TMEM53: variants seen among roughly 807,000 people sequenced by gnomAD.
TMEM53 encodes novel DUF829 domain-containing protein.
TMEM53 carries 14 observed loss-of-function variants against 21.4 expected under a neutral mutation model. The observed-to-expected ratio is 0.65, with a 90% CI of 0.43 to 1.02. TMEM53 has a LOEUF of 1.02. Among genes scored for constraint, TMEM53 ranks in the 50% least tolerant of loss-of-function variants. The pLI is 0.00. For synonymous variants in TMEM53, 148 were observed against 157.4 expected (o/e 0.94, Z 0.45); for missense variants, 323 against 383.6 (o/e 0.84, Z 1.32).
At chr1:44,672,781 A>AAG (rs1405035546) in intron 1 of TMEM53, among the ~76,000 whole-genome samples, 2 of 151,182 alleles carry the variant, frequency 1.3e-5, no homozygotes, top group Non-Finnish European at 3.0e-5. Context: ...AAAAAAAAAA[A>AAG]AAGAAAGGGG....
chr1:44,654,571 G>A lies in TMEM53; in HGVS notation c.822C>T (p.Cys274=), dbSNP rs201651121. ...TGGAGCAATGGCCTCAGCAGCGGACGCAGTTGCGCATGAAGTCGACACAGA... is the reference window on the plus strand; with the variant it reads ...TGGAGCAATGGCCTCAGCAGCGGACACAGTTGCGCATGAAGTCGACACAGA... ...TSLCVDFMRN[C]VRC Residue 274 remains cysteine, a synonymous_variant, in exon 3 of 3, where the codon TGC becomes TGT. Coordinates refer to ENST00000372237, the MANE Select transcript of TMEM53 (RefSeq NM_024587.4). The surrounding 1 kb of genome is among the most constrained non-coding windows in gnomAD (Gnocchi z 7.0). 6.3e-5 allele frequency: 101 copies of A among 1,604,442 alleles called. No individual in the cohort carries two copies. The East Asian group carries it at 1.7e-3, about 27-fold the overall frequency.
chr1:44,674,450 T>C lies in TMEM53; in HGVS notation c.-59A>G. ...GCCGGAACTCCCGCTTGCGCACCCG[T>C]GCCTCACCCGGGCGCCTCCTGGGCG... On this transcript the variant is annotated 5_prime_UTR_variant, in exon 1 of 3. Coordinates refer to ENST00000372237, the MANE Select transcript of TMEM53 (RefSeq NM_024587.4). The C allele has an allele frequency of 1.3e-6, 2 of 1,554,396 alleles. No individual in the cohort carries two copies. The highest frequency in any genetic ancestry group is 1.2e-5 in the South Asian group (1 of 85,218).
intron 1 of TMEM53, 27 bp downstream of exon 1, chr1:44,674,304 C>T: frequency 6.2e-7 from 1 of 1,600,896 alleles, no homozygotes; most frequent in Non-Finnish European, 8.5e-7. Context: ...CACCTCCCCG[C>T]GCCTGGACCC....
At position 44,656,803 on chromosome 1, in the gene TMEM53, G is replaced by C. The variant is rs552819115; in HGVS notation, c.184-1594C>G. On this transcript the variant is annotated intron_variant, in intron 2 of 2. Transcript: ENST00000372237. ...CTGAGGTGGGCAGATGACGAAGTCA[G>C]GAGTTCGAGACCAGCCTCACCAACA... Among the ~76,000 whole-genome samples the C allele has an allele frequency of 1.2e-4, 19 of 152,278 alleles. No individual in the cohort carries two copies. In the East Asian group the frequency reaches 3.3e-3, roughly 26 times the overall value.
At chr1:44,661,828 C>T (rs1430660676) in intron 1 of TMEM53, among the ~76,000 whole-genome samples, 1 of 152,202 alleles carries the variant, frequency 6.6e-6, no homozygotes, top group Non-Finnish European at 1.5e-5. Context: ...AACCAGCCGC[C>T]ACCACCACCA....
chr1:44,654,991 G>A lies in TMEM53; in HGVS notation c.402C>T (p.Arg134=), dbSNP rs1223286216. The A allele has an allele frequency of 6.2e-7, 1 of 1,613,974 alleles. No individual in the cohort carries two copies. Among genetic ancestry groups the A allele is most frequent in the Admixed American group, 1.7e-5 (1 of 60,008 alleles). ...CAAAGATGGTGCCCACCACACGCAG[G>A]CGGCAGAAGCGACGGGTCTGCAGGA... is the stretch of plus-strand genomic sequence containing the variant. ...LELLQTRRFC[R]LRVVGTIFDS... Residue 134 remains arginine, a synonymous_variant, in exon 3 of 3, where the codon CGC becomes CGT. Transcript: ENST00000372237. This position sits in a 1 kb window ranked among gnomAD's most constrained non-coding sequence, Gnocchi z 7.0.
intron 2 of TMEM53, among the ~76,000 whole-genome samples, chr1:44,656,788 C>A (rs1477455696): frequency 6.6e-6 from 1 of 151,994 alleles, no homozygotes; most frequent in Admixed American, 6.6e-5. Context: ...CTGAGGTGGG[C>A]AGATGACGAA....
chr1:44,665,465 C>T (rs1441679525), intron 1 of TMEM53, among the ~76,000 whole-genome samples: 5 of 151,928 alleles, frequency 3.3e-5, no homozygotes, highest in Non-Finnish European at 5.9e-5. Flanking sequence ...GGTGAAACCC[C>T]GTCTCTACTA....
intron 1 of TMEM53, among the ~76,000 whole-genome samples, chr1:44,662,212 G>A (rs1644908300): frequency 6.6e-6 from 1 of 152,242 alleles, no homozygotes; most frequent in Admixed American, 6.5e-5. Flanking sequence ...CTGGCCTTCG[G>A]AGATTAACTG....
At chr1:44,672,087 G>C (rs1172934377) in intron 1 of TMEM53, among the ~76,000 whole-genome samples, 8 of 152,282 alleles carry the variant, frequency 5.3e-5, no homozygotes, top group Non-Finnish European at 1.5e-5. Context: ...AAGCTCTGCA[G>C]ATAGGAAGCA....
In TMEM53 at chr1:44,654,554, T is replaced by C; in HGVS notation, c.*5A>G. The C allele has an allele frequency of 2.5e-6, 4 of 1,598,498 alleles. No homozygotes were observed. In the South Asian group the frequency reaches 3.3e-5, roughly 13 times the overall value. On this transcript the variant is annotated 3_prime_UTR_variant, in exon 3 of 3. Coordinates refer to ENST00000372237, the MANE Select transcript of TMEM53 (RefSeq NM_024587.4). This position sits in a 1 kb window ranked among gnomAD's most constrained non-coding sequence, Gnocchi z 7.0. ...CTGGAGCAGAGGTGAGATGGAGCAA[T>C]GGCCTCAGCAGCGGACGCAGTTGCG...
chr1:44,665,903 CA>C (rs1411185765), intron 1 of TMEM53, among the ~76,000 whole-genome samples: 1 of 151,794 alleles, frequency 6.6e-6, no homozygotes, highest in African/African-American at 2.4e-5. Context: ...CTTTTTATTT[CA>C]AAGGACATAA....
Position 44,674,311 on chromosome 1 carries a change from A to T in TMEM53, c.61+20T>A. On this transcript the variant is annotated intron_variant, in intron 1 of 2. Transcript: ENST00000372237. ...CATGAGGTCACCTCCCCGCGCCTGGACCCAACCCTCATTCCATACTCTGGC... is the reference window on the plus strand; with the variant it reads ...CATGAGGTCACCTCCCCGCGCCTGGTCCCAACCCTCATTCCATACTCTGGC... 4 of 1,607,410 alleles carry T rather than the reference A, an allele frequency of 2.5e-6. No homozygotes were observed. The highest frequency in any genetic ancestry group is 2.5e-6 in the Non-Finnish European group (3 of 1,176,780).
chr1:44,661,077 T>A (rs72671963), intron 1 of TMEM53, among the ~76,000 whole-genome samples: 19,383 of 152,196 alleles, frequency 0.13, 1,362 homozygotes, highest in Middle Eastern at 0.16. Flanking sequence ...ATGCCACACT[T>A]ATCATTTACT....
chr1:44,673,056 T>C (rs1451868801), intron 1 of TMEM53, among the ~76,000 whole-genome samples: 2 of 152,182 alleles, frequency 1.3e-5, no homozygotes, highest in Non-Finnish European at 2.9e-5. Flanking sequence ...CTCCAACCCT[T>C]TGCAGCCGAA....
intron 1 of TMEM53, among the ~76,000 whole-genome samples, chr1:44,673,537 T>C (rs1645036409): frequency 6.6e-6 from 1 of 152,196 alleles, no homozygotes; most frequent in African/African-American, 2.4e-5. Flanking sequence ...CTACTCACAC[T>C]GTCATGGATG....
intron 2 of TMEM53, among the ~76,000 whole-genome samples, chr1:44,659,855 CTTT>C (rs35618807): frequency 5.6e-5 from 6 of 106,936 alleles, no homozygotes; most frequent in African/African-American, 2.0e-4. Flanking sequence ...TCCTCACAGG[CTTT>C]TTTTTTTTTT....
intron 2 of TMEM53, among the ~76,000 whole-genome samples, chr1:44,658,413 A>G (rs1054852810): frequency 1.3e-5 from 2 of 151,826 alleles, no homozygotes; most frequent in African/African-American, 4.8e-5. Flanking sequence ...CAAACTCCTC[A>G]ATCCATCACC....
chr1:44,654,627 G>A lies in TMEM53; in HGVS notation c.766C>T (p.Leu256Phe). The change falls in exon 3 of 3, where the codon CTC (leucine) becomes TTC (phenylalanine). Residue 256 changes from leucine to phenylalanine, a missense_variant. Around this residue, in one of 3 missense-constraint regions of TMEM53, gnomAD observed 269 missense variants for 334.5 expected, o/e 0.80. Transcript: ENST00000372237. The surrounding 1 kb of genome is among the most constrained non-coding windows in gnomAD (Gnocchi z 7.0). ...DFVSSAHVSH[L>F]RDYPTYYTSL... ...GTGTAGTAAGTAGGGTAGTCACGGA[G>A]GTGGCTGACGTGTGCAGATGACACG... The A allele has an allele frequency of 1.2e-6, 2 of 1,613,986 alleles. No individual in the cohort carries two copies. Among genetic ancestry groups the A allele is most frequent in the Non-Finnish European group, 1.7e-6 (2 of 1,179,996 alleles).
Sources: allele counts gnomAD v4.1 joint callset (sites outside exome capture counted in the v4.1 genomes callset), GRCh38; gene constraint gnomAD v4.1.1; regional missense constraint gnomAD v4.1.1; non-coding constraint Gnocchi (gnomAD v3.1); transcripts MANE v1.5; gene names NCBI Gene and HGNC (gene_info 2026-07-23, HGNC 2026-07-21).